The following TP73 variants were observed in gnomAD, a reference collection of about 807,000 sequenced individuals.
TP73 encodes the protein p53-like transcription factor.
In TP73, 25 loss-of-function variants were observed where a neutral mutation model predicts 62.5. The ratio of observed to expected loss-of-function variants is 0.40; its 90% CI spans 0.29 to 0.56. The LOEUF (loss-of-function observed/expected upper bound fraction) is 0.56. Among genes scored for constraint, TP73 ranks in the 20% least tolerant of loss-of-function variants. The pLI, the probability that TP73 is intolerant of heterozygous loss-of-function variation, is 0.46. For synonymous variants in TP73, 423 were observed against 377.5 expected, an observed-to-expected ratio of 1.12 and a Z score of -1.40; for missense variants, 754 against 913.3, an observed-to-expected ratio of 0.83 and a Z score of 2.25.
At chr1:3,697,356 C>T (rs997867883) in intron 3 of TP73, among the ~76,000 whole-genome samples, 5 of 152,202 alleles carry the variant, frequency 3.3e-5, no homozygotes, top group African/African-American at 1.2e-4. Context: ...TCTCCCTGCA[C>T]AGGCCCTCGG....
intron 1 of TP73, among the ~76,000 whole-genome samples, chr1:3,669,336 C>T (rs1363432030): frequency 6.6e-6 from 1 of 152,206 alleles, no homozygotes; most frequent in Non-Finnish European, 1.5e-5. Context: ...GGTGGGGAGG[C>T]CTTGCCCACA....
At chr1:3,655,937 G>C (rs1486389207) in intron 1 of TP73, among the ~76,000 whole-genome samples, 1 of 152,168 alleles carries the variant, frequency 6.6e-6, no homozygotes, top group African/African-American at 2.4e-5. Context: ...CAGCATTTTG[G>C]GAGGCTGAGG....
chr1:3,733,078 G>C lies in TP73; in HGVS notation c.1910G>C (p.Ter637SerextTer66). Residue 637 changes from the stop codon to serine, a stop_lost, in exon 14 of 14, where the codon TGA becomes TCA. Transcript: ENST00000378295. ...KEEFTEAEIH* is the reference protein window; with the variant it reads ...KEEFTEAEIHS ...GAGTTCACGGAGGCCGAGATCCACTGAGGGCCTCGCCTGGCTGCAGCCTGC... is the reference window on the plus strand; with the variant it reads ...GAGTTCACGGAGGCCGAGATCCACTCAGGGCCTCGCCTGGCTGCAGCCTGC... 6.5e-7 allele frequency: 1 copy of C among 1,530,914 alleles called. No homozygotes were observed. Among genetic ancestry groups the C allele is most frequent in the Non-Finnish European group, 8.8e-7 (1 of 1,142,288 alleles). The allele number at this position is 1,530,914 out of a possible 1,614,324, so 94.8% of individuals were successfully genotyped here.
chr1:3,711,229 T>G (rs1190468639), intron 4 of TP73, among the ~76,000 whole-genome samples: 1 of 152,240 alleles, frequency 6.6e-6, no homozygotes, highest in Admixed American at 6.5e-5. Context: ...TCCACACACG[T>G]GAGCTCTGAG....
intron 1 of TP73, among the ~76,000 whole-genome samples, chr1:3,671,196 A>G (rs1645232910): frequency 6.6e-6 from 1 of 152,110 alleles, no homozygotes; most frequent in Non-Finnish European, 1.5e-5. Context: ...TGCCTCAGGG[A>G]TGGCAGGGGT....
chr1:3,701,721 C>T lies in TP73; in HGVS notation c.187-5828C>T, dbSNP rs1343342690. Among the ~76,000 whole-genome samples, 1 of 152,274 alleles carries T rather than the reference C, an allele frequency of 6.6e-6. No individual in the cohort carries two copies. The highest frequency in any genetic ancestry group is 2.4e-5 in the African/African-American group (1 of 41,550). On this transcript the variant is annotated intron_variant, in intron 3 of 13. Transcript: ENST00000378295. This position sits in a 1 kb window ranked among gnomAD's most constrained non-coding sequence, Gnocchi z 4.7. ...ACGGGGTTTCACCATATTGGCTAGG[C>T]CAGTCTTGAACTCCGGACCTCAGGT... is the stretch of plus-strand genomic sequence containing the variant.
rs536927715 is a variant in TP73, at chr1:3,729,143, C to T, written c.1075-184C>T. Among the ~76,000 whole-genome samples the T allele has an allele frequency of 1.4e-4, 22 of 152,326 alleles. No individual in the cohort carries two copies. The South Asian group carries it at 2.9e-3, about 20-fold the overall frequency. On this transcript the variant is annotated intron_variant, in intron 9 of 13. Transcript: ENST00000378295. The stretch of plus-strand genomic sequence containing the variant: ...GGATACCTGCCCACTGAGTCAGGGG[C>T]TCTGGTTAGACCTGCTTCTTGGGAA...
chr1:3,653,051 C>T (rs1644790316), intron 1 of TP73, among the ~76,000 whole-genome samples: 1 of 152,186 alleles, frequency 6.6e-6, no homozygotes, highest in African/African-American at 2.4e-5. Context: ...GCAAGCTCCT[C>T]CCCGCCCGCG....
rs958801286 is a variant in TP73 at position 3,672,424 on chromosome 1, A to G, written c.-33-9909A>G. ...AGGAGGATCGGAGGGGGCAGAGGAC[A>G]GGGATGTGTCTGTGCAGAACGAGGC... On this transcript the variant is annotated intron_variant, in intron 1 of 13. Coordinates refer to ENST00000378295, the MANE Select transcript of TP73 (RefSeq NM_005427.4). This position sits in a 1 kb window ranked among gnomAD's most constrained non-coding sequence, Gnocchi z 5.3. 2.6e-5 allele frequency among the ~76,000 whole-genome samples: 4 copies of G among 152,080 alleles called. No homozygotes were observed. Among genetic ancestry groups the G allele is most frequent in the Non-Finnish European group, 4.4e-5 (3 of 67,980 alleles).
At chr1:3,659,414 C>T (rs951245402) in intron 1 of TP73, 10 of 152,014 alleles carry the variant, frequency 6.6e-5, no homozygotes, top group Non-Finnish European at 1.2e-4. Context: ...GATTTCTGGG[C>T]AAAGGGCAGT....
intron 1 of TP73, chr1:3,659,348 G>C (rs1644940635): frequency 6.6e-6 from 1 of 152,164 alleles, no homozygotes; most frequent in East Asian, 1.9e-4. Context: ...CTCGCACCTG[G>C]GCTTCGTGGT....
rs776993007 is a variant in TP73, at chr1:3,733,067, C to T, written c.1899C>T (p.Ala633=). 7 of 1,535,498 alleles carry T rather than the reference C, an allele frequency of 4.6e-6. No homozygotes were observed. Among genetic ancestry groups the T allele is most frequent in the East Asian group, 2.4e-5 (1 of 40,864 alleles). ...CCATCAAGGAGGAGTTCACGGAGGC[C>T]GAGATCCACTGAGGGCCTCGCCTGG... ...KQPIKEEFTE[A]EIH Residue 633 remains alanine (A), a synonymous_variant, in exon 14 of 14, where the codon GCC becomes GCT. Transcript: ENST00000378295.
chr1:3,682,911 G>A (rs1645558421), intron 2 of TP73, 149 bp from the exon 3 acceptor site: 1 of 1,105,304 alleles, frequency 9.0e-7, no homozygotes, highest in East Asian at 2.6e-5. Context: ...GCAGGTGGAG[G>A]ACAGAGATGG....
rs1411826822 is a variant in TP73 at position 3,696,311 on chromosome 1, G to A, written c.187-11238G>A. Reference sequence around the variant, plus strand: ...TGCAGGAGGCTCTGCTGCTCCCCAAGGCAGGAAAGGCCGGCAGGGTCTGGA... The same window carrying A: ...TGCAGGAGGCTCTGCTGCTCCCCAAAGCAGGAAAGGCCGGCAGGGTCTGGA... On this transcript the variant is annotated intron_variant, in intron 3 of 13. Coordinates refer to ENST00000378295, the MANE Select transcript of TP73 (RefSeq NM_005427.4). The surrounding 1 kb of genome is among the most constrained non-coding windows in gnomAD (Gnocchi z 4.1). Among the ~76,000 whole-genome samples the A allele has an allele frequency of 6.6e-6, 1 of 152,116 alleles. No homozygotes were observed. The highest frequency in any genetic ancestry group is 1.5e-5 in the Non-Finnish European group (1 of 68,024).
intron 4 of TP73, among the ~76,000 whole-genome samples, chr1:3,711,867 TGC>T (rs1553142279): frequency 6.8e-6 from 1 of 147,790 alleles, no homozygotes; most frequent in African/African-American, 2.5e-5. Flanking sequence ...TGTGTGTGTG[TGC>T]GCGAGCATGT....
At position 3,701,523 on chromosome 1, in the gene TP73, G is replaced by A. The variant is rs997145414; in HGVS notation, c.187-6026G>A. Among the ~76,000 whole-genome samples, 2 of 151,938 alleles carry A rather than the reference G, an allele frequency of 1.3e-5. No homozygotes were observed. The highest frequency in any genetic ancestry group is 2.1e-4 in the South Asian group (1 of 4,808). Reference sequence around the variant, plus strand: ...GTTGATTTCTTTTTTGGTTTTTTTCGAGACAGAGTCTTGCTCTGTCACCCA... The same window carrying A: ...GTTGATTTCTTTTTTGGTTTTTTTCAAGACAGAGTCTTGCTCTGTCACCCA... On this transcript the variant is annotated intron_variant, in intron 3 of 13. Coordinates refer to ENST00000378295, the MANE Select transcript of TP73 (RefSeq NM_005427.4). This position sits in a 1 kb window ranked among gnomAD's most constrained non-coding sequence, Gnocchi z 4.7.
intron 4 of TP73, 44 bp from the exon 5 acceptor site, chr1:3,721,977 A>C (rs1570602963): frequency 1.3e-6 from 2 of 1,547,936 alleles, no homozygotes; most frequent in Non-Finnish European, 1.8e-6. Context: ...ACAGGGGTGC[A>C]GTTGGGACCA....
At chr1:3,730,513 C>A (rs1056720082) in intron 11 of TP73, among the ~76,000 whole-genome samples, 48 of 152,210 alleles carry the variant, frequency 3.2e-4, no homozygotes, top group African/African-American at 1.1e-3. Context: ...AAGACCTCAT[C>A]AGGGGCCCCA....
intron 1 of TP73, among the ~76,000 whole-genome samples, chr1:3,669,868 G>A (rs575389671): frequency 9.8e-5 from 15 of 152,364 alleles, no homozygotes; most frequent in African/African-American, 3.6e-4. Flanking sequence ...GGCAGAGTGT[G>A]TACGTGGCAG....
Sources: allele counts gnomAD v4.1 joint callset (sites outside exome capture counted in the v4.1 genomes callset), GRCh38; gene constraint gnomAD v4.1.1; non-coding constraint Gnocchi (gnomAD v3.1); transcripts MANE v1.5; gene names NCBI Gene and HGNC (gene_info 2026-07-23, HGNC 2026-07-21).